Variants in BIRC6 observed in about 807,000 individuals in gnomAD.
BIRC6 encodes the protein baculoviral IAP repeat containing 6.
BIRC6 carries 98 observed loss-of-function variants against 503.3 expected under a neutral mutation model. That is an observed-to-expected ratio of 0.19 (90% CI 0.17 to 0.23). The LOEUF is 0.23. Among genes scored for constraint, BIRC6 ranks in the 10% least tolerant of loss-of-function variants. BIRC6 has a pLI of 1.00. For synonymous variants in BIRC6, 2,240 were observed against 2,078.7 expected (o/e 1.08, Z -2.11); for missense variants, 5,360 against 5,806.0 (o/e 0.92, Z 2.50).
intron 22 of BIRC6, 77 bp from the exon 23 acceptor site, chr2:32,453,731 C>G: frequency 7.4e-7 from 1 of 1,347,510 alleles, no homozygotes; most frequent in Non-Finnish European, 1.0e-6. Context: ...ATTGAAGTTG[C>G]AGCTATAATT....
chr2:32,493,138 T>C lies in BIRC6; in HGVS notation c.8341-402T>C, dbSNP rs180846647. Among the ~76,000 whole-genome samples the C allele has an allele frequency of 5.3e-5, 8 of 152,076 alleles. No individual in the cohort carries two copies. The East Asian group carries it at 1.5e-3, about 29-fold the overall frequency. ...GAAACATGACCTTTTATGGATCATT[T>C]TACCTCTCTGCTCCTGAGTTATTTG... On this transcript the variant is annotated intron_variant, in intron 44 of 73. Coordinates refer to ENST00000421745, the MANE Select transcript of BIRC6 (RefSeq NM_016252.4).
chr2:32,481,861 T>G (rs762021), intron 38 of BIRC6, among the ~76,000 whole-genome samples: 1 of 152,272 alleles, frequency 6.6e-6, no homozygotes, highest in Non-Finnish European at 1.5e-5. Context: ...ATACATACAT[T>G]ACCACTAATG....
In BIRC6 at chr2:32,461,342, T is replaced by C. The variant is rs902387754; in HGVS notation, c.4754-1852T>C. 6.0e-4 allele frequency among the ~76,000 whole-genome samples: 71 copies of C among 118,320 alleles called. No individual in the cohort carries two copies. The Middle Eastern group carries it at 0.017, about 29-fold the overall frequency. The allele number at this position is 118,320 out of a possible 152,430, so 77.6% of individuals were successfully genotyped here. On this transcript the variant is annotated intron_variant, in intron 23 of 73. Transcript: ENST00000421745. The stretch of plus-strand genomic sequence containing the variant: ...GGAGGCTTGTGCCACCATGCCTGGC[T>C]AGTGTGTGTGTGTGTGTGTGTGTGT...
At chr2:32,579,553 G>A (rs561984044) in intron 66 of BIRC6, among the ~76,000 whole-genome samples, 69 of 152,144 alleles carry the variant, frequency 4.5e-4, no homozygotes, top group Non-Finnish European at 7.6e-4. Context: ...AGTCAATATC[G>A]TGGGCTGCAC....
At chr2:32,599,928 A>T (rs758074883) in intron 70 of BIRC6, 28 bp downstream of exon 70, 1 of 1,597,304 alleles carries the variant, frequency 6.3e-7, no homozygotes, top group Non-Finnish European at 8.5e-7. Context: ...TTTTGTTTCA[A>T]ATGCCAATGA....
intron 57 of BIRC6, among the ~76,000 whole-genome samples, chr2:32,523,734 C>G (rs975999201): frequency 6.6e-6 from 1 of 152,142 alleles, no homozygotes; most frequent in Non-Finnish European, 1.5e-5. Flanking sequence ...AAGACCGGGT[C>G]ATAATTGTGC....
intron 1 of BIRC6, among the ~76,000 whole-genome samples, chr2:32,359,915 A>G (rs927243684): frequency 4.6e-5 from 7 of 152,162 alleles, no homozygotes; most frequent in African/African-American, 1.4e-4. Context: ...ATAGGGTCCT[A>G]TTTGCCCCAG....
At chr2:32,393,633 C>T (rs1397462066) in intron 5 of BIRC6, among the ~76,000 whole-genome samples, 4 of 152,180 alleles carry the variant, frequency 2.6e-5, no homozygotes, top group Non-Finnish European at 5.9e-5. Context: ...AATTCTCCCA[C>T]CTTAGCCCCT....
chr2:32,475,808 AT>A (rs1236384538), intron 33 of BIRC6, among the ~76,000 whole-genome samples: 2 of 152,204 alleles, frequency 1.3e-5, no homozygotes, highest in Non-Finnish European at 2.9e-5. Context: ...TTAATAAAAA[AT>A]ATAGACATAC....
rs1233634838 is a variant in BIRC6 at position 32,509,773 on chromosome 2, C to G, written c.10016C>G (p.Thr3339Ser). 5 of 1,613,960 alleles carry G rather than the reference C, an allele frequency of 3.1e-6. No individual in the cohort carries two copies. In the Admixed American group the frequency reaches 6.7e-5, roughly 22 times the overall value. ...GWLRLLHHCLTHISDLEGMMA... is the reference protein window; with the variant it reads ...GWLRLLHHCLSHISDLEGMMA... The stretch of plus-strand genomic sequence containing the variant: ...TTACGGTTATTACATCATTGCCTTA[C>G]TCACATAAGTGATCTAGAAGGAATG... Residue 3339 changes from threonine (T) to serine (S), a missense_variant, in exon 52 of 74, where the codon ACT becomes AGT. Physicochemically the swap from Thr to Ser is moderately conservative, Grantham distance 58. Coordinates refer to ENST00000421745, the MANE Select transcript of BIRC6 (RefSeq NM_016252.4).
At chr2:32,561,040 A>G (rs955064771) in intron 65 of BIRC6, among the ~76,000 whole-genome samples, 3 of 151,778 alleles carry the variant, frequency 2.0e-5, no homozygotes, top group African/African-American at 4.8e-5. Flanking sequence ...TCTACTAAAA[A>G]TACAAAAATT....
Position 32,357,315 on chromosome 2 carries a change from G to T in BIRC6, c.154G>T (p.Val52Phe). ...SSAAGAGAAG[V>F]SEWLVLRDGC... ...GGCGGCGGGGGCGGGGGCGGCCGGG[G>T]TCTCAGAGTGGCTGGTGCTGCGGGA... The change falls in exon 1 of 74, where the codon GTC (valine) becomes TTC (phenylalanine). Residue 52 changes from valine (V) to phenylalanine (F), a missense_variant. Val to Phe is a conservative substitution (Grantham distance 50, BLOSUM62 -1). This residue lies in a region of BIRC6 where 145 missense variants were observed against 106.9 expected (regional missense o/e 1.36). Coordinates refer to ENST00000421745, the MANE Select transcript of BIRC6 (RefSeq NM_016252.4). This position sits in a 1 kb window ranked among gnomAD's most constrained non-coding sequence, Gnocchi z 4.9. 1 of 1,533,874 alleles carries T rather than the reference G, an allele frequency of 6.5e-7. No homozygotes were observed. Among genetic ancestry groups the T allele is most frequent in the South Asian group, 1.2e-5 (1 of 82,826 alleles).
At chr2:32,374,616 G>A (rs1486677634) in intron 1 of BIRC6, among the ~76,000 whole-genome samples, 5 of 151,844 alleles carry the variant, frequency 3.3e-5, no homozygotes, top group African/African-American at 9.7e-5. Context: ...GGGACTACAG[G>A]CGCCCGCCAC....
At chr2:32,376,265 A>C (rs1412417054) in intron 1 of BIRC6, among the ~76,000 whole-genome samples, 1 of 152,052 alleles carries the variant, frequency 6.6e-6, no homozygotes, top group Non-Finnish European at 1.5e-5. Flanking sequence ...AACAATTGAG[A>C]GATGAACTGC....
chr2:32,521,751 A>T (rs1217113809), intron 57 of BIRC6, among the ~76,000 whole-genome samples: 3 of 151,692 alleles, frequency 2.0e-5, no homozygotes, highest in Non-Finnish European at 2.9e-5. Context: ...AAGTGCTGAG[A>T]TTACAGGCAT....
chr2:32,456,485 TCTTG>T (rs1558776409), intron 23 of BIRC6, among the ~76,000 whole-genome samples: 3 of 152,248 alleles, frequency 2.0e-5, no homozygotes, highest in Non-Finnish European at 4.4e-5. Context: ...TATATTTTTG[TCTTG>T]AATATGAATG....
At chr2:32,553,100 G>A (rs1369219181) in intron 65 of BIRC6, among the ~76,000 whole-genome samples, 1 of 145,434 alleles carries the variant, frequency 6.9e-6, no homozygotes, top group Non-Finnish European at 1.5e-5. Context: ...GGGAGGCTGA[G>A]GCAGGAGAAT....
At position 32,607,616 on chromosome 2, in the gene BIRC6, C is replaced by G. The variant is rs56242351; in HGVS notation, c.14232C>G (p.Ile4744Met). 17 of 1,610,332 alleles carry G rather than the reference C, an allele frequency of 1.1e-5. No individual in the cohort carries two copies. The highest frequency in any genetic ancestry group is 1.4e-5 in the Non-Finnish European group (16 of 1,177,978). Residue 4744 changes from isoleucine (I) to methionine (M), a missense_variant, in exon 72 of 74, where the codon ATC (isoleucine) becomes ATG (methionine). Coordinates refer to ENST00000421745, the MANE Select transcript of BIRC6 (RefSeq NM_016252.4). ...TTAAGTGGGCAATGCTAGAACAAAT[C>G]AGAAACCCTTCACCATGTTTTAAAG... is the stretch of plus-strand genomic sequence containing the variant. ...ATVKWAMLEQ[I>M]RNPSPCFKEV...
rs1341828877 is a variant in BIRC6, at chr2:32,599,913, C to G, written c.13992+13C>G. On this transcript the variant is annotated intron_variant, in intron 70 of 73. Transcript: ENST00000421745. ...TAATGATGGCAAGGTAAATTAATTG[C>G]AATTTTTTGTTTCAAATGCCAATGA... The G allele has an allele frequency of 1.2e-6, 2 of 1,606,158 alleles. No homozygotes were observed. The highest frequency in any genetic ancestry group is 1.1e-5 in the South Asian group (1 of 89,738).
Sources: gnomAD v4.1 joint callset for allele counts (sites outside exome capture counted in the v4.1 genomes callset) on GRCh38, gnomAD v4.1.1 for gene constraint, gnomAD v4.1.1 regional missense constraint, Gnocchi (gnomAD v3.1) non-coding constraint, MANE v1.5 for transcripts, NCBI Gene and HGNC (gene_info 2026-07-23, HGNC 2026-07-21) for gene names.